TASP1: variants seen among roughly 807,000 people sequenced by gnomAD.
TASP1 encodes the protein threonine aspartase 1.
Under a neutral mutation model 56.6 loss-of-function variants are expected in TASP1, and 16 were observed. The observed-to-expected ratio is 0.28, with a 90% confidence interval of 0.19 to 0.43. TASP1 has a LOEUF of 0.43. TASP1 is among the 20% of genes least tolerant of loss of function. The probability of loss-of-function intolerance (pLI) is 1.00; values close to 1 mark genes in which losing one functional copy is unlikely to be tolerated. For synonymous variants in TASP1, 179 were observed against 184.2 expected, an observed-to-expected ratio of 0.97 and a Z score of 0.23; for missense variants, 393 against 511.6, an observed-to-expected ratio of 0.77 and a Z score of 2.24.
chr20:13,233,589 C>CCAT, the TASP1 span, among the ~76,000 whole-genome samples: 2 of 145,888 alleles, frequency 1.4e-5, no homozygotes, highest in Non-Finnish European at 1.5e-5. Context: ...GAGCGAAACT[C>CCAT]CATCTCAAAA....
At chr20:13,291,433 C>A in the TASP1 span, among the ~76,000 whole-genome samples, 7 of 152,218 alleles carry the variant, frequency 4.6e-5, no homozygotes, top group Non-Finnish European at 1.0e-4. Context: ...GTCAACCCTG[C>A]AAATAAGTTT....
At chr20:13,495,092 C>T (rs61422194) in intron 10 of TASP1, among the ~76,000 whole-genome samples, 1 of 152,018 alleles carries the variant, frequency 6.6e-6, no homozygotes, top group East Asian at 1.9e-4. Flanking sequence ...GACAGTTATA[C>T]TACACCATAA....
At chr20:13,355,032 A>C in the TASP1 span, among the ~76,000 whole-genome samples, 1 of 152,182 alleles carries the variant, frequency 6.6e-6, no homozygotes, top group Admixed American at 6.5e-5. Context: ...AATTTAGCTC[A>C]AGATTGTGAT....
intron 11 of TASP1, among the ~76,000 whole-genome samples, chr20:13,447,589 G>A (rs6105103): frequency 0.35 from 53,779 of 151,920 alleles, 10,312 homozygotes; most frequent in Non-Finnish European, 0.43. Context: ...AAGTGGAACA[G>A]CTATCTTGTT....
chr20:13,160,561 C>T, the TASP1 span, among the ~76,000 whole-genome samples: 2 of 152,198 alleles, frequency 1.3e-5, no homozygotes, highest in Non-Finnish European at 2.9e-5. Flanking sequence ...ATCTACATTA[C>T]AGCAGCACCT....
intron 7 of TASP1, among the ~76,000 whole-genome samples, chr20:13,560,528 C>CT (rs2046310924): frequency 6.6e-6 from 1 of 152,160 alleles, no homozygotes; most frequent in South Asian, 2.1e-4. Flanking sequence ...TAATCCATAA[C>CT]TGAGTCCATT....
chr20:13,282,955 T>G, the TASP1 span, among the ~76,000 whole-genome samples: 1 of 152,236 alleles, frequency 6.6e-6, no homozygotes, highest in Non-Finnish European at 1.5e-5. Context: ...CTTCCCAGGA[T>G]AGCCCACATT....
At chr20:13,147,070 G>T in the TASP1 span, among the ~76,000 whole-genome samples, 3 of 152,270 alleles carry the variant, frequency 2.0e-5, no homozygotes, top group East Asian at 5.8e-4. Flanking sequence ...GTGGAGGCAG[G>T]GTGTTTTCCC....
chr20:13,189,648 A>T, the TASP1 span, among the ~76,000 whole-genome samples: 1 of 152,172 alleles, frequency 6.6e-6, no homozygotes, highest in Non-Finnish European at 1.5e-5. Context: ...AAATAAAAAA[A>T]ATAGCAGATG....
At chr20:13,593,759 AC>A (rs2047625820) in intron 4 of TASP1, among the ~76,000 whole-genome samples, 1 of 152,068 alleles carries the variant, frequency 6.6e-6, no homozygotes, top group African/African-American at 2.4e-5. Context: ...TACAAACTCC[AC>A]CTCTGTGGGG....
At chr20:13,268,022 C>T in the TASP1 span, among the ~76,000 whole-genome samples, 46 of 152,304 alleles carry the variant, frequency 3.0e-4, no homozygotes, top group East Asian at 8.9e-3. Context: ...GGGAAAAAAG[C>T]AAGGGAACAA....
intron 10 of TASP1, among the ~76,000 whole-genome samples, chr20:13,508,224 G>T (rs1341890026): frequency 2.0e-5 from 3 of 151,324 alleles, no homozygotes; most frequent in Non-Finnish European, 2.9e-5. Context: ...AAAAGCACAG[G>T]CAACAAAAGC....
At chr20:13,180,768 T>TAATGAGTA in the TASP1 span, among the ~76,000 whole-genome samples, 267 of 152,250 alleles carry the variant, frequency 1.8e-3, 1 homozygote, top group Non-Finnish European at 2.6e-3. Flanking sequence ...CACAAATACT[T>TAATGAGTA]AATGAGTAAC....
At chr20:13,528,648 T>C (rs2146858869) in intron 9 of TASP1, 137 bp from the exon 10 acceptor site, 2 of 601,910 alleles carry the variant, frequency 3.3e-6, no homozygotes, top group South Asian at 2.7e-5. Flanking sequence ...CCAGATGTTG[T>C]ATAAGACATA....
the TASP1 span, among the ~76,000 whole-genome samples, chr20:13,108,241 T>A: frequency 6.6e-6 from 1 of 152,210 alleles, no homozygotes; most frequent in African/African-American, 2.4e-5. Context: ...TTTGCTTAAA[T>A]GTACTTGATA....
In TASP1 at chr20:13,624,259, G is replaced by A. The variant is rs56176716; in HGVS notation, c.214-745C>T. 8.3e-3 allele frequency among the ~76,000 whole-genome samples: 1,260 copies of A among 152,052 alleles called. 19 individuals carry two copies. Among genetic ancestry groups the A allele is most frequent in the African/African-American group, 0.028 (1,166 of 41,506 alleles). On this transcript the variant is annotated intron_variant, in intron 3 of 13. Transcript: ENST00000337743. ...TAAATATTAAAGAGGCTAAGTATAC[G>A]ATTCAAATGTATTAGATTTCTAGGA...
At chr20:13,530,215 A>G (rs1049449938) in intron 9 of TASP1, among the ~76,000 whole-genome samples, 4 of 152,184 alleles carry the variant, frequency 2.6e-5, no homozygotes, top group Non-Finnish European at 1.5e-5. Context: ...TCCCATGTTC[A>G]TGTGACCCAT....
At chr20:13,535,274 T>C (rs1196179434) in intron 8 of TASP1, among the ~76,000 whole-genome samples, 1 of 151,856 alleles carries the variant, frequency 6.6e-6, no homozygotes, top group African/African-American at 2.4e-5. Flanking sequence ...CATTGAAGAG[T>C]TTCTAAATAG....
chr20:13,194,704 A>G, the TASP1 span, among the ~76,000 whole-genome samples: 2 of 152,188 alleles, frequency 1.3e-5, no homozygotes, highest in East Asian at 1.9e-4. Flanking sequence ...TTTCTCATAT[A>G]CATTTAAAAT....
Sources: allele counts gnomAD v4.1 joint callset (sites outside exome capture counted in the v4.1 genomes callset), GRCh38; gene constraint gnomAD v4.1.1; transcripts MANE v1.5; gene names NCBI Gene and HGNC (gene_info 2026-07-23, HGNC 2026-07-21).